CWC27: variants seen among roughly 807,000 people sequenced by gnomAD.
CWC27 encodes the protein spliceosome-associated protein CWC27 homolog.
CWC27 carries 47 observed loss-of-function variants against 63.6 expected under a neutral mutation model. The observed-to-expected ratio is 0.74, with a 90% CI of 0.58 to 0.94. The LOEUF (loss-of-function observed/expected upper bound fraction) is 0.94, where lower values mean the gene tolerates loss of function less well. Among genes scored for constraint, CWC27 ranks in the 40% least tolerant of loss-of-function variants. The probability of loss-of-function intolerance (pLI) is 0.00; values close to 1 mark genes in which losing one functional copy is unlikely to be tolerated. For synonymous variants in CWC27, 175 were observed against 179.8 expected (o/e 0.97, Z 0.22); for missense variants, 495 against 554.3 (o/e 0.89, Z 1.07).
intron 10 of CWC27, among the ~76,000 whole-genome samples, chr5:64,853,700 A>C (rs992047683): frequency 2.0e-5 from 3 of 152,112 alleles, no homozygotes; most frequent in Non-Finnish European, 4.4e-5. Flanking sequence ...AAACAACCAG[A>C]TCTCGTGAGA....
chr5:65,016,570 T>C (rs537629278), intron 13 of CWC27, among the ~76,000 whole-genome samples: 3 of 152,164 alleles, frequency 2.0e-5, no homozygotes, highest in African/African-American at 2.4e-5. Context: ...TCATTTCTAC[T>C]TATTGCTTTC....
At chr5:65,003,260 G>A (rs1749766705) in intron 13 of CWC27, among the ~76,000 whole-genome samples, 1 of 152,204 alleles carries the variant, frequency 6.6e-6, no homozygotes, top group African/African-American at 2.4e-5. Context: ...CTTTTAAGCA[G>A]CGAATTTAAT....
chr5:64,948,793 A>G (rs1006405071), intron 11 of CWC27, among the ~76,000 whole-genome samples: 37 of 151,976 alleles, frequency 2.4e-4, no homozygotes, highest in African/African-American at 8.9e-4. Flanking sequence ...AGTGAGAACT[A>G]GTATCATCAA....
chr5:64,785,489 G>A lies in CWC27; in HGVS notation c.405G>A (p.Gly135=), dbSNP rs774808999. 6 of 1,444,738 alleles carry A rather than the reference G, an allele frequency of 4.2e-6. No homozygotes were observed. The highest frequency in any genetic ancestry group is 5.5e-6 in the Non-Finnish European group (6 of 1,093,982). 89.5% of individuals were successfully genotyped at this position (1,444,738 alleles called of 1,614,324 possible). The change falls in exon 5 of 14, where the codon GGG becomes GGA. Residue 135 remains glycine (G), a synonymous_variant. Transcript: ENST00000381070. Reference sequence around the variant, plus strand: ...TATTTTTAATTTGATAGGTTACAGGGGATACAGTATATAACATGTTGCGAC... The same window carrying A: ...TATTTTTAATTTGATAGGTTACAGGAGATACAGTATATAACATGTTGCGAC... ...NKHTIFGKVT[G]DTVYNMLRLS... is the part of the protein sequence containing the mutation.
intron 10 of CWC27, among the ~76,000 whole-genome samples, chr5:64,880,816 A>C (rs751491978): frequency 4.0e-5 from 6 of 151,714 alleles, no homozygotes; most frequent in Non-Finnish European, 5.9e-5. Context: ...TGAGGAAAAC[A>C]ATAAGTGGCT....
chr5:64,785,109 T>C (rs1199000283), intron 4 of CWC27, among the ~76,000 whole-genome samples: 3 of 152,218 alleles, frequency 2.0e-5, no homozygotes, highest in South Asian at 2.1e-4. Context: ...AATGAGATAA[T>C]GTCTCTAAAG....
At chr5:64,864,935 T>C (rs1393810983) in intron 10 of CWC27, among the ~76,000 whole-genome samples, 1 of 152,134 alleles carries the variant, frequency 6.6e-6, no homozygotes, top group Non-Finnish European at 1.5e-5. Flanking sequence ...ACATATACAA[T>C]GCATTATTAT....
intron 10 of CWC27, among the ~76,000 whole-genome samples, chr5:64,860,455 C>T (rs1746370184): frequency 6.6e-6 from 1 of 152,052 alleles, no homozygotes; most frequent in South Asian, 2.1e-4. Flanking sequence ...CTAATCATAC[C>T]ACCATTGTGT....
At chr5:64,872,998 C>G (rs1232528905) in intron 10 of CWC27, among the ~76,000 whole-genome samples, 4 of 152,090 alleles carry the variant, frequency 2.6e-5, no homozygotes, top group Admixed American at 6.5e-5. Flanking sequence ...AAATGTGGTT[C>G]ATTAATATTT....
intron 10 of CWC27, among the ~76,000 whole-genome samples, chr5:64,883,249 G>T (rs1259663152): frequency 2.0e-5 from 3 of 152,132 alleles, no homozygotes; most frequent in Admixed American, 2.0e-4. Flanking sequence ...AACACATGGG[G>T]ATTATGGGAA....
intron 11 of CWC27, among the ~76,000 whole-genome samples, chr5:64,936,962 T>C (rs1236682204): frequency 2.0e-5 from 3 of 152,200 alleles, no homozygotes; most frequent in Non-Finnish European, 4.4e-5. Flanking sequence ...TTATCATTTT[T>C]TATTGTGTCT....
rs191441227 is a variant in CWC27 at position 64,801,299 on chromosome 5, T to C, written c.750-3T>C. Reference sequence around the variant, plus strand: ...AAATTTGTTTTGCTTATTTTTTTTATAGTGAAAAAGGTGATGCACCAGATT... The same window carrying C: ...AAATTTGTTTTGCTTATTTTTTTTACAGTGAAAAAGGTGATGCACCAGATT... On this transcript the variant is annotated splice_region_variant and splice_polypyrimidine_tract_variant and intron_variant, in intron 8 of 13. Coordinates refer to ENST00000381070, the MANE Select transcript of CWC27 (RefSeq NM_005869.4). 1.0e-3 allele frequency: 1,463 copies of C among 1,419,006 alleles called. 12 individuals carry two copies. The African/African-American group carries it at 0.02, about 20-fold the overall frequency. 87.9% of individuals were successfully genotyped at this position (1,419,006 alleles called of 1,614,324 possible). A position where few individuals can be genotyped will look rare whatever the true frequency, so the allele number is the denominator to read the frequency against.
intron 10 of CWC27, among the ~76,000 whole-genome samples, chr5:64,848,923 GAAAC>G (rs1746059084): frequency 6.6e-6 from 1 of 152,122 alleles, no homozygotes; most frequent in African/African-American, 2.4e-5. Context: ...CTTAAAATCT[GAAAC>G]AAGGTAAGGA....
chr5:65,011,646 G>GAGCC (rs1418598633), intron 13 of CWC27, among the ~76,000 whole-genome samples: 2 of 152,212 alleles, frequency 1.3e-5, no homozygotes, highest in Non-Finnish European at 2.9e-5. Flanking sequence ...AGACAATGGA[G>GAGCC]AGCCACCAAA....
Position 64,863,144 on chromosome 5 carries a change from G to C in CWC27, c.939-22299G>C, listed in dbSNP as rs1219460501. 5.9e-5 allele frequency among the ~76,000 whole-genome samples: 9 copies of C among 152,214 alleles called. No individual in the cohort carries two copies. In the East Asian group the frequency reaches 1.7e-3, roughly 29 times the overall value. On this transcript the variant is annotated intron_variant, in intron 10 of 13. Transcript: ENST00000381070. Reference sequence around the variant, plus strand: ...AAAGTTGGGCTAGTTGTCCTGTATAGAATGACTCACGTTCTGGACTTGTTA... The same window carrying C: ...AAAGTTGGGCTAGTTGTCCTGTATACAATGACTCACGTTCTGGACTTGTTA...
At chr5:64,858,730 A>G (rs927940591) in intron 10 of CWC27, among the ~76,000 whole-genome samples, 14 of 152,136 alleles carry the variant, frequency 9.2e-5, no homozygotes, top group Admixed American at 6.5e-4. Flanking sequence ...TGACATTTAA[A>G]AAAAAAATGA....
At chr5:64,896,404 T>G (rs541045666) in intron 11 of CWC27, among the ~76,000 whole-genome samples, 41 of 152,182 alleles carry the variant, frequency 2.7e-4, no homozygotes, top group African/African-American at 9.4e-4. Flanking sequence ...AAATAAATAT[T>G]GAAGGAATAA....
intron 8 of CWC27, among the ~76,000 whole-genome samples, 179 bp from the exon 9 acceptor site, chr5:64,801,123 A>T (rs1744471132): frequency 6.6e-6 from 1 of 152,144 alleles, no homozygotes; most frequent in African/African-American, 2.4e-5. Flanking sequence ...TATTCCACTT[A>T]TAAAAAATGA....
At chr5:65,017,087 C>T (rs911874463) in intron 13 of CWC27, among the ~76,000 whole-genome samples, 6 of 152,086 alleles carry the variant, frequency 3.9e-5, no homozygotes, top group Middle Eastern at 3.4e-3. Flanking sequence ...TTTGGGAGGC[C>T]GAGGCGGGCA....
Sources: gnomAD v4.1 joint callset for allele counts (sites outside exome capture counted in the v4.1 genomes callset) on GRCh38, gnomAD v4.1.1 for gene constraint, MANE v1.5 for transcripts, NCBI Gene and HGNC (gene_info 2026-07-23, HGNC 2026-07-21) for gene names.